The following KIAA0930 variants were observed in gnomAD, a reference collection of about 807,000 sequenced individuals.
The protein encoded by KIAA0930 is KIAA0930.
KIAA0930 carries 24 observed loss-of-function variants against 43.9 expected under a neutral mutation model. The observed-to-expected ratio is 0.55, with a 90% CI of 0.40 to 0.77. KIAA0930 has a LOEUF of 0.77. Among genes scored for constraint, KIAA0930 ranks in the 30% least tolerant of loss-of-function variants. The pLI, the probability that KIAA0930 is intolerant of heterozygous loss-of-function variation, is 0.00. For synonymous variants in KIAA0930, 259 were observed against 216.4 expected (o/e 1.20, Z -1.73); for missense variants, 461 against 574.2 (o/e 0.80, Z 2.02).
At position 45,203,908 on chromosome 22, in the gene KIAA0930, G is replaced by C. The variant is rs1234288221; in HGVS notation, c.594C>G (p.Phe198Leu). ...ELVASDKTNTFQGVIFQGSIR... is the reference protein window; with the variant it reads ...ELVASDKTNTLQGVIFQGSIR... Reference sequence around the variant, plus strand: ...TGGAGCCCTGAAAGATGACCCCCTGGAACGTGTTGGTTTTGTCACTAGCCA... The same window carrying C: ...TGGAGCCCTGAAAGATGACCCCCTGCAACGTGTTGGTTTTGTCACTAGCCA... The change falls in exon 6 of 10, where the codon TTC (phenylalanine) becomes TTG (leucine). Residue 198 changes from phenylalanine (F) to leucine (L), a missense_variant. Transcript: ENST00000336156. The C allele has an allele frequency of 6.2e-7, 1 of 1,614,026 alleles. No individual in the cohort carries two copies. Among genetic ancestry groups the C allele is most frequent in the Non-Finnish European group, 8.5e-7 (1 of 1,179,964 alleles).
At position 45,216,591 on chromosome 22, in the gene KIAA0930, T is replaced by C. The variant is rs117847855; in HGVS notation, c.65-4484A>G. The stretch of plus-strand genomic sequence containing the variant: ...GGCCTGTGAAGTCACTGCTGACTCT[T>C]TCTCCCACAAGCAAACCCCTTCTCC... On this transcript the variant is annotated intron_variant, in intron 1 of 9. Coordinates refer to ENST00000336156, the MANE Select transcript of KIAA0930 (RefSeq NM_001009880.2). Among the ~76,000 whole-genome samples, 20 of 152,230 alleles carry C rather than the reference T, an allele frequency of 1.3e-4. No homozygotes were observed. In the East Asian group the frequency reaches 3.9e-3, roughly 29 times the overall value.
intron 8 of KIAA0930, among the ~76,000 whole-genome samples, chr22:45,199,370 G>A (rs867717550): frequency 7.2e-5 from 11 of 152,238 alleles, no homozygotes; most frequent in East Asian, 3.9e-4. Flanking sequence ...GGAAGGCCCC[G>A]GGGGTAGGCT....
chr22:45,235,781 T>A (rs534324142), intron 1 of KIAA0930, among the ~76,000 whole-genome samples: 2 of 152,178 alleles, frequency 1.3e-5, no homozygotes, highest in African/African-American at 4.8e-5. Context: ...CCTAGAGAAT[T>A]TGTGGTCTCC....
rs768254414 is a variant in KIAA0930, at chr22:45,192,335, T to TA, written c.*4840dup. On this transcript the variant is annotated 3_prime_UTR_variant, in exon 10 of 10. Coordinates refer to ENST00000336156, the MANE Select transcript of KIAA0930 (RefSeq NM_001009880.2). ...GCAAAGCTAACAGCCAACCAACAAATACCGCCTAGCAATGATTTCCACTGG... is the reference window on the plus strand; with the variant it reads ...GCAAAGCTAACAGCCAACCAACAAATAACCGCCTAGCAATGATTTCCACTGG... 1.3e-5 allele frequency: 2 copies of TA among 152,026 alleles called. No homozygotes were observed. Among genetic ancestry groups the TA allele is most frequent in the Non-Finnish European group, 2.9e-5 (2 of 68,004 alleles). 9.4% of individuals were successfully genotyped at this position (152,026 alleles called of 1,614,324 possible). A position where few individuals can be genotyped will look rare whatever the true frequency, so the allele number is the denominator to read the frequency against.
intron 1 of KIAA0930, among the ~76,000 whole-genome samples, chr22:45,234,306 C>T (rs1418140919): frequency 6.6e-6 from 1 of 151,586 alleles, no homozygotes; most frequent in East Asian, 1.9e-4. Context: ...GAGGGGGCCT[C>T]TGCTTCCTGC....
intron 1 of KIAA0930, among the ~76,000 whole-genome samples, chr22:45,214,679 C>A (rs558975413): frequency 6.6e-6 from 1 of 152,074 alleles, no homozygotes; most frequent in South Asian, 2.1e-4. Context: ...GAGGCCAAGG[C>A]GGAAAGACTG....
rs1438318375 is a variant in KIAA0930, at chr22:45,203,079, C to T, written c.763G>A (p.Glu255Lys). 2 of 1,613,736 alleles carry T rather than the reference C, an allele frequency of 1.2e-6. No homozygotes were observed. Among genetic ancestry groups the T allele is most frequent in the East Asian group, 2.2e-5 (1 of 44,892 alleles). The change falls in exon 7 of 10, where the codon GAG becomes AAG. Residue 255 changes from glutamate to lysine, a missense_variant. Glu to Lys is a moderately conservative substitution (Grantham distance 56). Transcript: ENST00000336156. Reference protein sequence around the residue: ...MKGPQGKGHAEMAVSRVSTGD... With the variant: ...MKGPQGKGHAKMAVSRVSTGD... ...GTAGACACTCGGCTGACCGCCATCT[C>T]GGCGTGGCCCTTGCCCTGGGGGCCC...
In KIAA0930 at chr22:45,196,844, C is replaced by A. The variant is rs139404089; in HGVS notation, c.*332G>T. On this transcript the variant is annotated 3_prime_UTR_variant, in exon 10 of 10. Coordinates refer to ENST00000336156, the MANE Select transcript of KIAA0930 (RefSeq NM_001009880.2). The surrounding 1 kb of genome is among the most constrained non-coding windows in gnomAD (Gnocchi z 4.1). ...GAACATAGACCCGCCGCTCTGGCCC[C>A]GCTCTGGGCATCAGCTGCTCCTTCC... 6.2e-6 allele frequency: 2 copies of A among 320,512 alleles called. No individual in the cohort carries two copies. The highest frequency in any genetic ancestry group is 5.1e-5 in the Admixed American group (1 of 19,556). 19.9% of individuals were successfully genotyped at this position (320,512 alleles called of 1,614,324 possible). A position where few individuals can be genotyped will look rare whatever the true frequency, so the allele number is the denominator to read the frequency against.
intron 1 of KIAA0930, among the ~76,000 whole-genome samples, chr22:45,229,602 G>T (rs1439515254): frequency 1.3e-5 from 2 of 152,190 alleles, no homozygotes; most frequent in African/African-American, 4.8e-5. Flanking sequence ...TCAGGAAGAG[G>T]CCACAGAAGG....
At chr22:45,218,649 C>A (rs1443099632) in intron 1 of KIAA0930, among the ~76,000 whole-genome samples, 1 of 152,110 alleles carries the variant, frequency 6.6e-6, no homozygotes. Flanking sequence ...GAGACACAAA[C>A]CCAGCCCCTC....
chr22:45,231,236 A>G (rs1031095014), intron 1 of KIAA0930, among the ~76,000 whole-genome samples: 3 of 151,892 alleles, frequency 2.0e-5, no homozygotes, highest in African/African-American at 7.3e-5. Flanking sequence ...AAAAAAAAAA[A>G]AAAAGAAAGA....
At chr22:45,235,474 T>C (rs1316799881) in intron 1 of KIAA0930, 1 of 152,342 alleles carries the variant, frequency 6.6e-6, no homozygotes, top group Non-Finnish European at 1.5e-5. Flanking sequence ...TCTGCTGCCA[T>C]GCCACACGGC....
At chr22:45,218,115 G>A (rs547516370) in intron 1 of KIAA0930, among the ~76,000 whole-genome samples, 119 of 152,228 alleles carry the variant, frequency 7.8e-4, no homozygotes, top group African/African-American at 2.8e-3. Context: ...AGCGAGGAAC[G>A]TGATGACAGC....
chr22:45,216,084 C>T (rs1164667714), intron 1 of KIAA0930, among the ~76,000 whole-genome samples: 1 of 152,074 alleles, frequency 6.6e-6, no homozygotes, highest in Non-Finnish European at 1.5e-5. Context: ...GATTCTCTCT[C>T]TTCAGAGGGA....
Position 45,194,025 on chromosome 22 carries a change from G to A in KIAA0930, c.*3151C>T, listed in dbSNP as rs1402338339. ...CCCTTGAGACCAACATGCCTTAAAG[G>A]GGGTTTGGGTTTAAAGACCAATGTA... On this transcript the variant is annotated 3_prime_UTR_variant, in exon 10 of 10. Transcript: ENST00000336156. 3 of 147,330 alleles carry A rather than the reference G, an allele frequency of 2.0e-5. No homozygotes were observed. Among genetic ancestry groups the A allele is most frequent in the Admixed American group, 1.4e-4 (2 of 14,776 alleles). The allele number at this position is 147,330 out of a possible 1,614,324, so 9.1% of individuals were successfully genotyped here. A position where few individuals can be genotyped will look rare whatever the true frequency, so the allele number is the denominator to read the frequency against.
chr22:45,233,644 G>A (rs186734038), intron 1 of KIAA0930, among the ~76,000 whole-genome samples: 2 of 152,196 alleles, frequency 1.3e-5, no homozygotes, highest in Admixed American at 1.3e-4. Context: ...CCTGGTGGCT[G>A]CTCTCAGGAC....
intron 9 of KIAA0930, 53 bp from the exon 10 acceptor site, chr22:45,197,269 GTGCTA>G: frequency 6.7e-7 from 1 of 1,498,662 alleles, no homozygotes; most frequent in Non-Finnish European, 9.0e-7. Context: ...ACAGCGGTGA[GTGCTA>G]TGGTCACGGC....
chr22:45,214,451 G>C (rs2147751306), intron 1 of KIAA0930, among the ~76,000 whole-genome samples: 1 of 152,340 alleles, frequency 6.6e-6, no homozygotes, highest in African/African-American at 2.4e-5. Context: ...GTCCTGCAGA[G>C]CAAAAGAAGT....
intron 1 of KIAA0930, 38 bp from the exon 2 acceptor site, chr22:45,212,145 C>A: frequency 6.2e-7 from 1 of 1,613,670 alleles, no homozygotes; most frequent in Non-Finnish European, 8.5e-7. Flanking sequence ...GGAAGGACGG[C>A]CACCCTGGCC....
Sources: allele counts gnomAD v4.1 joint callset (sites outside exome capture counted in the v4.1 genomes callset), GRCh38; gene constraint gnomAD v4.1.1; non-coding constraint Gnocchi (gnomAD v3.1); transcripts MANE v1.5; gene names NCBI Gene and HGNC (gene_info 2026-07-23, HGNC 2026-07-21).